The following CFAP54 variants were observed in gnomAD, a reference collection of about 807,000 sequenced individuals.
CFAP54 encodes the protein cilia and flagella associated protein 54, also known as cilia- and flagella-associated protein 54.
A neutral mutation model predicts 370.4 loss-of-function variants in CFAP54; 290 were observed. The ratio of observed to expected loss-of-function variants is 0.78; its 90% CI spans 0.71 to 0.86. CFAP54 has a LOEUF of 0.86. CFAP54 is among the 40% of genes least tolerant of loss of function. The pLI, the probability that CFAP54 is intolerant of heterozygous loss-of-function variation, is 0.00. For synonymous variants in CFAP54, 1,206 were observed against 1,236.5 expected, an observed-to-expected ratio of 0.98 and a Z score of 0.52; for missense variants, 3,399 against 3,528.7, an observed-to-expected ratio of 0.96 and a Z score of 0.93.
intron 42 of CFAP54, 42 bp from the exon 43 acceptor site, chr12:96,688,874 A>G (rs1265732510): frequency 1.6e-6 from 2 of 1,270,438 alleles, no homozygotes; most frequent in Non-Finnish European, 2.2e-6. Flanking sequence ...ATGTTTTTGG[A>G]AAATTTCTAC....
intron 9 of CFAP54, among the ~76,000 whole-genome samples, chr12:96,533,137 C>CT (rs1386786783): frequency 1.3e-4 from 20 of 148,684 alleles, no homozygotes; most frequent in South Asian, 2.1e-4. Flanking sequence ...TTCTTTCTTT[C>CT]TTTTTTTTTT....
intron 27 of CFAP54, among the ~76,000 whole-genome samples, chr12:96,622,647 G>A (rs1317976539): frequency 6.6e-6 from 1 of 152,118 alleles, no homozygotes; most frequent in Non-Finnish European, 1.5e-5. Flanking sequence ...ACAGTGCCTG[G>A]CCAGTTCATT....
intron 67 of CFAP54, among the ~76,000 whole-genome samples, chr12:96,862,468 G>A (rs1959901232): frequency 6.6e-6 from 1 of 152,148 alleles, no homozygotes; most frequent in African/African-American, 2.4e-5. Flanking sequence ...AGTGACTGAG[G>A]AGAGAAGTGA....
At chr12:96,850,149 C>T (rs914318090) in intron 66 of CFAP54, among the ~76,000 whole-genome samples, 6 of 146,654 alleles carry the variant, frequency 4.1e-5, no homozygotes, top group South Asian at 2.2e-4. Flanking sequence ...GAGGCCGAGG[C>T]GGGCAGATCA....
intron 64 of CFAP54, among the ~76,000 whole-genome samples, chr12:96,816,042 T>G (rs9739337): frequency 1.3e-5 from 2 of 152,002 alleles, no homozygotes; most frequent in East Asian, 3.9e-4. Flanking sequence ...CTTGGCTGTA[T>G]AGCTTCTTTT....
Position 96,708,815 on chromosome 12 carries a change from A to G in CFAP54, c.6724+12A>G. 2 of 1,583,788 alleles carry G rather than the reference A, an allele frequency of 1.3e-6. No homozygotes were observed. The highest frequency in any genetic ancestry group is 2.3e-5 in the South Asian group (2 of 85,856). On this transcript the variant is annotated intron_variant, in intron 48 of 67. Transcript: ENST00000524981. ...ACCAAACTTGGAAGGTAATTGTTTT[A>G]TTTTTTGCTTATTTCTCTTTCTCCT...
At chr12:96,840,462 A>T (rs761195482) in intron 66 of CFAP54, among the ~76,000 whole-genome samples, 2 of 152,160 alleles carry the variant, frequency 1.3e-5, no homozygotes, top group Admixed American at 6.5e-5. Context: ...TTGAAACAAG[A>T]TTTCCCAAAT....
rs945807660 is a variant in CFAP54, at chr12:96,771,564, A to C, written c.8281+6346A>C. Among the ~76,000 whole-genome samples, 7 of 152,304 alleles carry C rather than the reference A, an allele frequency of 4.6e-5. No individual in the cohort carries two copies. In the East Asian group the frequency reaches 1.2e-3, roughly 25 times the overall value. The stretch of plus-strand genomic sequence containing the variant: ...CTACTCGGGAGGCTGAGGCAGGAGA[A>C]TGGCGTGAACCCGGGAGGCGGAGCT... On this transcript the variant is annotated intron_variant, in intron 60 of 67. Coordinates refer to ENST00000524981, the MANE Select transcript of CFAP54 (RefSeq NM_001306084.2).
At chr12:96,800,070 C>T (rs758104802) in intron 63 of CFAP54, among the ~76,000 whole-genome samples, 1 of 152,042 alleles carries the variant, frequency 6.6e-6, no homozygotes, top group Non-Finnish European at 1.5e-5. Flanking sequence ...AGAATGTTTA[C>T]CTAAGCAGTT....
rs1310722115 is a variant in CFAP54, at chr12:96,804,402, CCT to C, written c.8851-7331_8851-7330del. Among the ~76,000 whole-genome samples, 12 of 152,258 alleles carry C rather than the reference CCT, an allele frequency of 7.9e-5. No homozygotes were observed. The East Asian group carries it at 2.3e-3, about 29-fold the overall frequency. ...AAATCCTAAAGTCTTCAACAAAAAA[CCT>C]CTTAGTTTGATAGATGAATTTTGTA... On this transcript the variant is annotated intron_variant, in intron 63 of 67. Coordinates refer to ENST00000524981, the MANE Select transcript of CFAP54 (RefSeq NM_001306084.2).
intron 63 of CFAP54, among the ~76,000 whole-genome samples, chr12:96,808,722 A>G (rs1482079408): frequency 6.6e-6 from 1 of 152,174 alleles, no homozygotes; most frequent in African/African-American, 2.4e-5. Context: ...AATCATTAGT[A>G]TGCACATTTT....
rs1340508172 is a variant in CFAP54 at position 96,592,535 on chromosome 12, C to T, written c.3258C>T (p.Tyr1086=). ...ILAETSSILL[Y]LFLRNIFVTS... ...CAGAGACTTCTTCAATCCTCTTGTA[C>T]CTTTTTCTTAGAAATATTTTTGTAA... Residue 1086 remains tyrosine (Y), a synonymous_variant, in exon 24 of 68, where the codon TAC becomes TAT. Coordinates refer to ENST00000524981, the MANE Select transcript of CFAP54 (RefSeq NM_001306084.2). 7.8e-6 allele frequency: 8 copies of T among 1,028,404 alleles called. No individual in the cohort carries two copies. The highest frequency in any genetic ancestry group is 5.1e-5 in the South Asian group (3 of 58,654). 63.7% of individuals were successfully genotyped at this position (1,028,404 alleles called of 1,614,324 possible). A position where few individuals can be genotyped will look rare whatever the true frequency, so the allele number is the denominator to read the frequency against.
chr12:96,759,689 G>A (rs751172011), intron 58 of CFAP54, among the ~76,000 whole-genome samples: 1 of 152,130 alleles, frequency 6.6e-6, no homozygotes, highest in Non-Finnish European at 1.5e-5. Flanking sequence ...AGTGACCATA[G>A]TACCTGTGTG....
At chr12:96,741,486 C>T (rs1228753021) in intron 51 of CFAP54, among the ~76,000 whole-genome samples, 1 of 152,102 alleles carries the variant, frequency 6.6e-6, no homozygotes, top group Non-Finnish European at 1.5e-5. Context: ...CCCTTGTTTC[C>T]AGGGAACACC....
chr12:96,542,886 C>G (rs1475636011), intron 14 of CFAP54, among the ~76,000 whole-genome samples: 1 of 152,132 alleles, frequency 6.6e-6, no homozygotes, highest in Non-Finnish European at 1.5e-5. Flanking sequence ...TGGTTTCTCT[C>G]CTTCATACTC....
At chr12:96,649,628 G>T (rs1956836078) in intron 34 of CFAP54, among the ~76,000 whole-genome samples, 1 of 152,084 alleles carries the variant, frequency 6.6e-6, no homozygotes, top group African/African-American at 2.4e-5. Context: ...CTTCTGCATT[G>T]TTCCTTTTGC....
chr12:96,532,684 G>A (rs1592835770), intron 9 of CFAP54, among the ~76,000 whole-genome samples: 1 of 151,976 alleles, frequency 6.6e-6, no homozygotes, highest in Non-Finnish European at 1.5e-5. Context: ...GCAATGGTGC[G>A]ATCATTCTTC....
chr12:96,519,189 C>G, intron 6 of CFAP54, 118 bp downstream of exon 6: 1 of 1,005,278 alleles, frequency 9.9e-7, no homozygotes, highest in Non-Finnish European at 1.4e-6. Context: ...ACGTCCACCT[C>G]CCAGGTTCAA....
At chr12:96,772,652 G>A (rs567700321) in intron 60 of CFAP54, among the ~76,000 whole-genome samples, 1 of 138,160 alleles carries the variant, frequency 7.2e-6, no homozygotes, top group African/African-American at 3.4e-5. Flanking sequence ...GAGTGCAATG[G>A]CATACTGCCC....
Sources: allele counts gnomAD v4.1 joint callset (sites outside exome capture counted in the v4.1 genomes callset), GRCh38; gene constraint gnomAD v4.1.1; transcripts MANE v1.5; gene names NCBI Gene and HGNC (gene_info 2026-07-23, HGNC 2026-07-21).